The following ESCO2 variants were observed in gnomAD, a reference collection of about 807,000 sequenced individuals.
The protein encoded by ESCO2 is N-acetyltransferase ESCO2.
Under a neutral mutation model 61.7 loss-of-function variants are expected in ESCO2, and 51 were observed. The ratio of observed to expected loss-of-function variants is 0.83; its 90% confidence interval spans 0.66 to 1.04. The LOEUF is 1.04. Among genes scored for constraint, ESCO2 ranks in the 50% least tolerant of loss-of-function variants. The probability of loss-of-function intolerance (pLI) is 0.00; values close to 1 mark genes in which losing one functional copy is unlikely to be tolerated. For synonymous variants in ESCO2, 230 were observed against 238.2 expected (o/e 0.97, Z 0.32); for missense variants, 692 against 686.2 (o/e 1.01, Z -0.09).
the ESCO2 span, among the ~76,000 whole-genome samples, chr8:27,819,086 G>A: frequency 6.6e-6 from 1 of 152,004 alleles, no homozygotes; most frequent in African/African-American, 2.4e-5. Context: ...GAGTATCATC[G>A]CTTTAATTAC....
chr8:27,779,631 A>G (rs1804877418), intron 3 of ESCO2: 1 of 153,432 alleles, frequency 6.5e-6, no homozygotes, highest in African/African-American at 2.4e-5. Context: ...GTCAGGAAGT[A>G]TAACACATTT....
At chr8:27,773,385 C>A (rs1021529693), upstream of ESCO2, among the ~76,000 whole-genome samples, 1 of 151,648 alleles carries the variant, frequency 6.6e-6, no homozygotes, top group African/African-American at 2.4e-5. Flanking sequence ...TATCAGCCCA[C>A]TTCCTGCCCC....
At chr8:27,783,936 T>C in intron 4 of ESCO2, 64 bp from the exon 5 acceptor site, 1 of 1,384,110 alleles carries the variant, frequency 7.2e-7, no homozygotes, top group South Asian at 1.2e-5. Context: ...ACCTTTGAAA[T>C]CTTATGAATT....
intron 4 of ESCO2, among the ~76,000 whole-genome samples, chr8:27,783,628 C>T (rs898092681): frequency 6.6e-6 from 1 of 152,048 alleles, no homozygotes; most frequent in Non-Finnish European, 1.5e-5. Context: ...TTTACAGAGA[C>T]ACAGTCTCAC....
chr8:27,788,776 TTA>T, intron 6 of ESCO2, 69 bp from the exon 7 acceptor site: 1 of 1,587,842 alleles, frequency 6.3e-7, no homozygotes, highest in Non-Finnish European at 8.6e-7. Flanking sequence ...GAATGAATGG[TTA>T]TAGGAACTTA....
upstream of ESCO2, chr8:27,772,622 C>T: frequency 7.0e-7 from 1 of 1,419,460 alleles, no homozygotes; most frequent in Non-Finnish European, 9.7e-7. Context: ...CTCGCGGCGG[C>T]CGCCTGGCCC....
chr8:27,817,548 CCT>C (rs971511781), downstream of ESCO2, among the ~76,000 whole-genome samples: 3 of 145,478 alleles, frequency 2.1e-5, no homozygotes, highest in African/African-American at 5.2e-5. Context: ...AGGTTTTAAC[CCT>C]GTTTTTTTTT....
intron 10 of ESCO2, among the ~76,000 whole-genome samples, chr8:27,800,219 G>A (rs957333579): frequency 5.9e-5 from 9 of 152,124 alleles, no homozygotes; most frequent in Admixed American, 2.0e-4. Flanking sequence ...TCCATAGAAC[G>A]AGAGAAAATA....
In ESCO2 at chr8:27,776,565, T is replaced by A. The variant is rs1454733288; in HGVS notation, c.257T>A (p.Phe86Tyr). ...AAATCTGCGCTCTCCACTGTATCTTTTTACAACCAAAATAAGTGGTACCTC... is the reference window on the plus strand; with the variant it reads ...AAATCTGCGCTCTCCACTGTATCTTATTACAACCAAAATAAGTGGTACCTC... ...PFKSALSTVS[F>Y]YNQNKWYLNP... The change falls in exon 3 of 11, where the codon TTT becomes TAT. Residue 86 changes from phenylalanine (F) to tyrosine (Y), a missense_variant. Coordinates refer to ENST00000305188, the MANE Select transcript of ESCO2 (RefSeq NM_001017420.3). 6.2e-7 allele frequency: 1 copy of A among 1,614,008 alleles called. No individual in the cohort carries two copies. The highest frequency in any genetic ancestry group is 8.5e-7 in the Non-Finnish European group (1 of 1,180,022).
intron 4 of ESCO2, among the ~76,000 whole-genome samples, chr8:27,781,479 A>G (rs936860280): frequency 6.6e-6 from 1 of 152,062 alleles, no homozygotes; most frequent in African/African-American, 2.4e-5. Context: ...GTAGCAGTGT[A>G]TCTCTTACCC....
chr8:27,803,367 C>A lies in ESCO2; in HGVS notation c.1735C>A (p.Pro579Thr), dbSNP rs115144373. ...TGAAATAGCATTTTCTGACCCAACACCAGATGGCAAGTTATTTGCAACCAA... is the reference window on the plus strand; with the variant it reads ...TGAAATAGCATTTTCTGACCCAACAACAGATGGCAAGTTATTTGCAACCAA... ...TDEIAFSDPTPDGKLFATKYC... is the reference protein window; with the variant it reads ...TDEIAFSDPTTDGKLFATKYC... The change falls in exon 11 of 11, where the codon CCA becomes ACA. Residue 579 changes from proline (P) to threonine (T), a missense_variant. Pro to Thr is a conservative substitution (Grantham distance 38). Coordinates refer to ENST00000305188, the MANE Select transcript of ESCO2 (RefSeq NM_001017420.3). The A allele has an allele frequency of 7.9e-4, 1,279 of 1,613,980 alleles. 12 individuals carry two copies. The African/African-American group carries it at 0.016, about 20-fold the overall frequency.
chr8:27,779,864 A>G (rs1017642755), intron 3 of ESCO2: 11 of 272,464 alleles, frequency 4.0e-5, no homozygotes, highest in Non-Finnish European at 7.9e-5. Flanking sequence ...ATAGGGTTTC[A>G]CCATGTTAGC....
intron 2 of ESCO2, 152 bp from the exon 3 acceptor site, chr8:27,776,210 G>T (rs1804785488): frequency 3.2e-6 from 2 of 631,456 alleles, no homozygotes; most frequent in Non-Finnish European, 5.4e-6. Context: ...CAGAATTTGA[G>T]AATCCTACTG....
chr8:27,818,462 G>A, the ESCO2 span, among the ~76,000 whole-genome samples: 2 of 152,152 alleles, frequency 1.3e-5, no homozygotes, highest in African/African-American at 2.4e-5. Flanking sequence ...ATGGAGAAAC[G>A]TTTAACAGAT....
chr8:27,797,211 CCTAT>C (rs1805318192), intron 9 of ESCO2, among the ~76,000 whole-genome samples: 1 of 152,086 alleles, frequency 6.6e-6, no homozygotes, highest in African/African-American at 2.4e-5. Flanking sequence ...ATTTTGTATT[CCTAT>C]CTATTTCTCC....
At chr8:27,778,832 T>A (rs182373282) in intron 3 of ESCO2, 2 of 152,370 alleles carry the variant, frequency 1.3e-5, no homozygotes. Context: ...ATTTTAAATT[T>A]GTGGAACGGG....
At chr8:27,785,528 C>T (rs7018259) in intron 5 of ESCO2, among the ~76,000 whole-genome samples, 38 of 152,074 alleles carry the variant, frequency 2.5e-4, no homozygotes, top group Admixed American at 5.2e-4. Context: ...ATGGGGAAAC[C>T]GTCTTTCCAA....
chr8:27,813,748 A>T (rs1416224117), downstream of ESCO2, among the ~76,000 whole-genome samples: 2 of 152,218 alleles, frequency 1.3e-5, no homozygotes, highest in Non-Finnish European at 2.9e-5. Context: ...AACGTACAGC[A>T]TAGTGAGGAC....
chr8:27,811,720 TG>T (rs1247565822), downstream of ESCO2, among the ~76,000 whole-genome samples: 1 of 152,224 alleles, frequency 6.6e-6, no homozygotes, highest in Admixed American at 6.5e-5. Flanking sequence ...ACTAAATCTC[TG>T]GATCAATTTA....
Sources: allele counts gnomAD v4.1 joint callset (sites outside exome capture counted in the v4.1 genomes callset), GRCh38; gene constraint gnomAD v4.1.1; transcripts MANE v1.5; gene names NCBI Gene and HGNC (gene_info 2026-07-23, HGNC 2026-07-21).